Variants in KLRG1 observed in about 807,000 individuals in gnomAD.
KLRG1 encodes killer cell lectin-like receptor subfamily G member 1.
A neutral mutation model predicts 21.8 loss-of-function variants in KLRG1; 16 were observed. The observed-to-expected ratio is 0.73, with a 90% CI of 0.50 to 1.11. The LOEUF is 1.11. Ranked by LOEUF, KLRG1 falls within the 50% of genes most tolerant of loss-of-function variation. The pLI is 0.00. For synonymous variants in KLRG1, 69 were observed against 75.9 expected (o/e 0.91, Z 0.47); for missense variants, 173 against 218.3 (o/e 0.79, Z 1.31).
chr12:9,068,210 C>T, the KLRG1 span: 1 of 1,605,514 alleles, frequency 6.2e-7, no homozygotes. Context: ...TTGTACTCAG[C>T]AATTGCAAAC....
At chr12:9,076,816 C>T in the KLRG1 span, 4 of 1,614,010 alleles carry the variant, frequency 2.5e-6, no homozygotes, top group Non-Finnish European at 1.7e-6. Flanking sequence ...TCCTGGTTAC[C>T]TGCCAGGGCA....
chr12:9,145,275 GT>G, the KLRG1 span, among the ~76,000 whole-genome samples: 1 of 151,898 alleles, frequency 6.6e-6, no homozygotes, highest in African/African-American at 2.4e-5. Flanking sequence ...TCTTCCTTGT[GT>G]TTTATTGTTT....
At chr12:9,186,471 A>G in the KLRG1 span, among the ~76,000 whole-genome samples, 2 of 152,202 alleles carry the variant, frequency 1.3e-5, no homozygotes, top group African/African-American at 2.4e-5. Flanking sequence ...AGCCAGATGA[A>G]GAAGCAAGAC....
At chr12:9,023,938 C>T in the KLRG1 span, among the ~76,000 whole-genome samples, 3 of 150,588 alleles carry the variant, frequency 2.0e-5, no homozygotes, top group African/African-American at 7.4e-5. Context: ...ATTTTAGAAC[C>T]ATTTATTTAA....
chr12:9,091,256 C>T, the KLRG1 span: 1 of 1,614,168 alleles, frequency 6.2e-7, no homozygotes, highest in Non-Finnish European at 8.5e-7. Flanking sequence ...GAAGGCCTCT[C>T]CACGAATCAC....
At chr12:8,992,796 C>G (rs926801095) in intron 2 of KLRG1, among the ~76,000 whole-genome samples, 29 of 152,170 alleles carry the variant, frequency 1.9e-4, no homozygotes, top group South Asian at 6.2e-4. Flanking sequence ...TCTTGGCCTC[C>G]CAAAGTGCTG....
At chr12:9,131,604 G>A in the KLRG1 span, among the ~76,000 whole-genome samples, 1 of 151,978 alleles carries the variant, frequency 6.6e-6, no homozygotes, top group Non-Finnish European at 1.5e-5. Context: ...CAAAGGATAA[G>A]ATGTTGTTCA....
chr12:9,161,036 G>T, the KLRG1 span: 2 of 1,581,290 alleles, frequency 1.3e-6, no homozygotes, highest in Non-Finnish European at 1.7e-6. Flanking sequence ...GACTCACCCA[G>T]AACTGAGAAA....
At chr12:8,985,467 G>A (rs1383125915), upstream of KLRG1, among the ~76,000 whole-genome samples, 73 of 152,106 alleles carry the variant, frequency 4.8e-4, 1 homozygote, top group Non-Finnish European at 2.9e-5. Context: ...TGGAGATAGT[G>A]TTAGATCTTA....
the KLRG1 span, among the ~76,000 whole-genome samples, chr12:9,032,225 C>T: frequency 6.6e-6 from 1 of 151,938 alleles, no homozygotes; most frequent in African/African-American, 2.4e-5. Flanking sequence ...AGAATTTTGG[C>T]TAAAATCTAA....
Position 8,959,921 on chromosome 12 carries a change from TTAGATTTGTTAG to T in KLRG1, c.-156+9686_-156+9697del, listed in dbSNP as rs771553850. ...TGCCACTTATTTTGGCAGTTGCTTT[TTAGATTTGTTAG>T]GATTTTATATTTAGACAATGAATTT... On this transcript the variant is annotated intron_variant, in intron 1 of 4. Coordinates refer to the KLRG1 transcript ENST00000539240. Among the ~76,000 whole-genome samples the T allele has an allele frequency of 3.2e-4, 48 of 152,352 alleles. 1 individual carries two copies. The East Asian group carries it at 4.8e-3, about 15-fold the overall frequency.
chr12:9,025,538 G>T, the KLRG1 span, among the ~76,000 whole-genome samples: 1 of 152,194 alleles, frequency 6.6e-6, no homozygotes, highest in African/African-American at 2.4e-5. Context: ...TCAGGAGAGT[G>T]AGGCACGAGA....
chr12:9,033,151 T>G, the KLRG1 span, among the ~76,000 whole-genome samples: 1 of 152,162 alleles, frequency 6.6e-6, no homozygotes, highest in Non-Finnish European at 1.5e-5. Flanking sequence ...AAAAGATTGC[T>G]GGGGTCTGGG....
At chr12:9,150,317 C>T in the KLRG1 span, among the ~76,000 whole-genome samples, 1 of 152,108 alleles carries the variant, frequency 6.6e-6, no homozygotes, top group African/African-American at 2.4e-5. Flanking sequence ...GAGTCTCGCA[C>T]CGTCACCTGG....
chr12:9,143,903 G>A, the KLRG1 span, among the ~76,000 whole-genome samples: 1 of 152,120 alleles, frequency 6.6e-6, no homozygotes, highest in African/African-American at 2.4e-5. Flanking sequence ...TTTTGTTGTA[G>A]GTGTCCCCAG....
the KLRG1 span, among the ~76,000 whole-genome samples, chr12:9,146,314 C>G: frequency 2.0e-4 from 30 of 151,556 alleles, 1 homozygote; most frequent in African/African-American, 6.8e-4. Context: ...CTATTGAACT[C>G]TTATAGTGAA....
chr12:8,984,442 C>A (rs1025183767), intron 1 of KLRG1, among the ~76,000 whole-genome samples: 4 of 152,014 alleles, frequency 2.6e-5, no homozygotes, highest in Admixed American at 2.6e-4. Context: ...TTAGTAGAGA[C>A]AGGGTTTCAC....
the KLRG1 span, among the ~76,000 whole-genome samples, chr12:9,044,723 C>T: frequency 1.3e-5 from 2 of 151,674 alleles, no homozygotes; most frequent in African/African-American, 4.8e-5. Context: ...TAAATATTGG[C>T]AAGAACACAG....
At chr12:9,109,470 G>A in the KLRG1 span, 1 of 1,279,414 alleles carries the variant, frequency 7.8e-7, no homozygotes, top group Admixed American at 1.9e-5. Context: ...CCTATTTTCA[G>A]GTTCCCTGTA....
Sources: allele counts gnomAD v4.1 joint callset (sites outside exome capture counted in the v4.1 genomes callset), GRCh38; gene constraint gnomAD v4.1.1; transcripts MANE v1.5; gene names NCBI Gene and HGNC (gene_info 2026-07-23, HGNC 2026-07-21).